The following COQ3 variants were observed in gnomAD, a reference collection of about 807,000 sequenced individuals.
COQ3 encodes coenzyme Q3, methyltransferase.
A neutral mutation model predicts 33.1 loss-of-function variants in COQ3; 29 were observed. The observed-to-expected ratio is 0.88, with a 90% CI of 0.65 to 1.19. COQ3 has a LOEUF of 1.19. Ranked by LOEUF, COQ3 falls within the 50% of genes most tolerant of loss-of-function variation. The pLI, the probability that COQ3 is intolerant of heterozygous loss-of-function variation, is 0.00. For missense variants in COQ3, 437 were observed against 430.7 expected (o/e 1.01, Z -0.13); for synonymous variants, 173 against 157.8 (o/e 1.10, Z -0.72).
chr6:99,377,585 A>C, intron 3 of COQ3, 100 bp from the exon 4 acceptor site: 1 of 633,350 alleles, frequency 1.6e-6, no homozygotes, highest in East Asian at 3.2e-5. Context: ...ACCTCCATTT[A>C]AATAAATTAT....
Position 99,375,745 on chromosome 6 carries a change from CT to C in COQ3, c.729+194del, listed in dbSNP as rs571535965. Among the ~76,000 whole-genome samples, 396 of 152,208 alleles carry C rather than the reference CT, an allele frequency of 2.6e-3. 3 individuals are homozygous for C. The highest frequency in any genetic ancestry group is 9.8e-3 in the South Asian group (47 of 4,818). ...GATATTAATAGGACACAGGAAGACC[CT>C]GGTATTGAGGGCAAGCTGAGGAGTA... is the stretch of plus-strand genomic sequence containing the variant. On this transcript the variant is annotated intron_variant, in intron 5 of 6. Coordinates refer to ENST00000254759, the MANE Select transcript of COQ3 (RefSeq NM_017421.4).
At chr6:99,383,184 T>C (rs1392071553) in intron 2 of COQ3, 2 of 152,146 alleles carry the variant, frequency 1.3e-5, no homozygotes, top group East Asian at 3.8e-4. Flanking sequence ...TGTGCAATAT[T>C]TTCACAAGGT....
intron 3 of COQ3, among the ~76,000 whole-genome samples, chr6:99,379,696 A>G (rs538263551): frequency 6.6e-6 from 1 of 152,218 alleles, no homozygotes; most frequent in East Asian, 1.9e-4. Context: ...CTCTACTAAA[A>G]ATACAAAAAT....
At position 99,378,758 on chromosome 6, in the gene COQ3, G is replaced by GCTTTT. The variant is rs1277156477; in HGVS notation, c.387-1274_387-1273insAAAAG. 5.3e-5 allele frequency among the ~76,000 whole-genome samples: 8 copies of GCTTTT among 152,180 alleles called. No homozygotes were observed. The East Asian group carries it at 1.5e-3, about 29-fold the overall frequency. ...TTTCTGTTTTTCTTTGCTTTGCTTTGTCAGTGGTATTAAAGGATGTCAGTA... is the reference window on the plus strand; with the variant it reads ...TTTCTGTTTTTCTTTGCTTTGCTTTGCTTTTTCAGTGGTATTAAAGGATGTCAGTA... On this transcript the variant is annotated intron_variant, in intron 3 of 6. Coordinates refer to ENST00000254759, the MANE Select transcript of COQ3 (RefSeq NM_017421.4).
chr6:99,371,113 C>A (rs1484060048), intron 6 of COQ3, among the ~76,000 whole-genome samples: 1 of 152,154 alleles, frequency 6.6e-6, no homozygotes, highest in Non-Finnish European at 1.5e-5. Context: ...CTCAAGAAGG[C>A]AGACTGAGAA....
Position 99,378,093 on chromosome 6 carries a change from T to C in COQ3, c.387-608A>G, listed in dbSNP as rs970925004. On this transcript the variant is annotated intron_variant, in intron 3 of 6. Coordinates refer to ENST00000254759, the MANE Select transcript of COQ3 (RefSeq NM_017421.4). ...ACAAGTATATATACACCTAACAGTA[T>C]TGTAAACTAAACATATATATATATA... Among the ~76,000 whole-genome samples, 45 of 124,854 alleles carry C rather than the reference T, an allele frequency of 3.6e-4. 1 individual carries two copies. Among genetic ancestry groups the C allele is most frequent in the African/African-American group, 1.3e-3 (45 of 34,268 alleles). The allele number at this position is 124,854 out of a possible 152,430, so 81.9% of individuals were successfully genotyped here. A position where few individuals can be genotyped will look rare whatever the true frequency, so the allele number is the denominator to read the frequency against.
chr6:99,392,084 T>C (rs1774847667), intron 1 of COQ3, among the ~76,000 whole-genome samples: 1 of 152,228 alleles, frequency 6.6e-6, no homozygotes, highest in African/African-American at 2.4e-5. Context: ...ATTGAGTTTG[T>C]ATTTAAACAG....
chr6:99,387,554 A>T (rs953028576), intron 1 of COQ3, among the ~76,000 whole-genome samples: 4 of 152,226 alleles, frequency 2.6e-5, no homozygotes, highest in Admixed American at 6.5e-5. Context: ...ATCCATTATG[A>T]TTAAAAACTT....
At chr6:99,377,331 T>A in intron 4 of COQ3, 55 bp downstream of exon 4, 1 of 1,222,484 alleles carries the variant, frequency 8.2e-7, no homozygotes, top group Non-Finnish European at 1.2e-6. Context: ...GAGGCACAAG[T>A]CTACTTCTTA....
chr6:99,370,604 C>T (rs543701888), intron 6 of COQ3, among the ~76,000 whole-genome samples: 1 of 152,196 alleles, frequency 6.6e-6, no homozygotes, highest in Admixed American at 6.5e-5. Flanking sequence ...CTGCCTCGGC[C>T]TCCCAAAATG....
At position 99,369,692 on chromosome 6, in the gene COQ3, C is replaced by A. The variant is rs780509292; in HGVS notation, c.1018G>T (p.Ala340Ser). Residue 340 changes from alanine to serine, a missense_variant, in exon 7 of 7, where the codon GCC (alanine) becomes TCC (serine). By Grantham distance (99) the Ala-to-Ser change is moderately conservative. Transcript: ENST00000254759. Reference sequence around the variant, plus strand: ...CCCTTTAAAACAAACTCAGCAGAGGCTGGGTGTTCCTGGACCCTGGATTTC... The same window carrying A: ...CCCTTTAAAACAAACTCAGCAGAGGATGGGTGTTCCTGGACCCTGGATTTC... ...AVKSRVQEHPASAEFVLKGET... is the reference protein window; with the variant it reads ...AVKSRVQEHPSSAEFVLKGET... 1.2e-6 allele frequency: 2 copies of A among 1,613,996 alleles called. No homozygotes were observed. Among genetic ancestry groups the A allele is most frequent in the East Asian group, 4.5e-5 (2 of 44,864 alleles).
intron 5 of COQ3, among the ~76,000 whole-genome samples, chr6:99,372,080 TTTTTTG>T (rs1228464812): frequency 8.5e-5 from 13 of 152,260 alleles, no homozygotes; most frequent in African/African-American, 3.1e-4. Context: ...GGTTTGAACA[TTTTTTG>T]TTTTTATTTC....
intron 6 of COQ3, among the ~76,000 whole-genome samples, chr6:99,370,483 G>A (rs1414662735): frequency 6.6e-6 from 1 of 150,620 alleles, no homozygotes; most frequent in African/African-American, 2.4e-5. Context: ...CGAGGAGCTG[G>A]GATTACAGGC....
At chr6:99,370,902 T>C (rs1438679694) in intron 6 of COQ3, among the ~76,000 whole-genome samples, 2 of 152,030 alleles carry the variant, frequency 1.3e-5, no homozygotes, top group South Asian at 2.1e-4. Context: ...CTAGGCATTG[T>C]AGAGAGTACA....
intron 3 of COQ3, among the ~76,000 whole-genome samples, chr6:99,379,644 C>G (rs1774410385): frequency 6.6e-6 from 1 of 152,130 alleles, no homozygotes; most frequent in South Asian, 2.1e-4. Context: ...CACCTAAGGT[C>G]AGGAGCTTGA....
At chr6:99,388,514 T>TC (rs200091272) in intron 1 of COQ3, among the ~76,000 whole-genome samples, 1 of 151,688 alleles carries the variant, frequency 6.6e-6, no homozygotes, top group East Asian at 2.0e-4. Context: ...GCCTTTTTTT[T>TC]TTGATAGACA....
intron 5 of COQ3, among the ~76,000 whole-genome samples, chr6:99,373,525 A>G (rs1417645051): frequency 6.6e-6 from 1 of 152,206 alleles, no homozygotes; most frequent in East Asian, 1.9e-4. Context: ...TCATTTTTAA[A>G]ACATAGGCTT....
At chr6:99,392,224 T>C (rs1330740005) in intron 1 of COQ3, among the ~76,000 whole-genome samples, 1 of 152,184 alleles carries the variant, frequency 6.6e-6, no homozygotes, top group East Asian at 1.9e-4. Context: ...CCAGGCACCA[T>C]GCTGATGGTG....
rs749463341 is a variant in COQ3 at position 99,371,466 on chromosome 6, A to G, written c.851T>C (p.Phe284Ser). The change falls in exon 6 of 7, where the codon TTT becomes TCT. Residue 284 changes from phenylalanine (F) to serine (S), a missense_variant. Phe to Ser is a radical substitution (Grantham distance 155). Coordinates refer to ENST00000254759, the MANE Select transcript of COQ3 (RefSeq NM_017421.4). The part of the protein sequence containing the change: ...VPKGTHTWEK[F>S]VSPETLESIL... ...GCTCTCTAGTGTTTCAGGTGAAACAAACTTCTCCCATGTATGAGTACCTTT... is the reference window on the plus strand; with the variant it reads ...GCTCTCTAGTGTTTCAGGTGAAACAGACTTCTCCCATGTATGAGTACCTTT... 4.4e-6 allele frequency: 7 copies of G among 1,601,584 alleles called. No individual in the cohort carries two copies. The African/African-American group carries it at 6.7e-5, about 15-fold the overall frequency.
Sources: gnomAD v4.1 joint callset for allele counts (sites outside exome capture counted in the v4.1 genomes callset) on GRCh38, gnomAD v4.1.1 for gene constraint, MANE v1.5 for transcripts, NCBI Gene and HGNC (gene_info 2026-07-23, HGNC 2026-07-21) for gene names.